NAALADL2: variants seen among roughly 807,000 people sequenced by gnomAD.
NAALADL2 encodes N-acetylated alpha-linked acidic dipeptidase like 2.
A neutral mutation model predicts 87.2 loss-of-function variants in NAALADL2; 76 were observed. The ratio of observed to expected loss-of-function variants is 0.87; its 90% CI spans 0.72 to 1.05. The LOEUF is 1.05. Among genes scored for constraint, NAALADL2 ranks in the 50% least tolerant of loss-of-function variants. The probability of loss-of-function intolerance (pLI) is 0.00; values close to 1 mark genes in which losing one functional copy is unlikely to be tolerated. For missense variants in NAALADL2, 1,089 were observed against 945.8 expected (o/e 1.15, Z -1.99); for synonymous variants, 354 against 331.0 (o/e 1.07, Z -0.75).
intron 2 of NAALADL2, among the ~76,000 whole-genome samples, chr3:175,156,193 C>G (rs778498153): frequency 6.6e-5 from 10 of 152,080 alleles, no homozygotes; most frequent in Non-Finnish European, 1.3e-4. Flanking sequence ...AATACTTATT[C>G]TTCCATATTT....
At chr3:175,050,102 G>A (rs570259987) in intron 1 of NAALADL2, among the ~76,000 whole-genome samples, 1 of 152,112 alleles carries the variant, frequency 6.6e-6, no homozygotes, top group East Asian at 1.9e-4. Flanking sequence ...AAGCATGGTT[G>A]TGTGTGTGTG....
At chr3:175,033,803 T>C (rs1460764143) in intron 1 of NAALADL2, among the ~76,000 whole-genome samples, 2 of 152,146 alleles carry the variant, frequency 1.3e-5, no homozygotes, top group African/African-American at 4.8e-5. Context: ...GTTCATGATG[T>C]GAAGCGCCAT....
chr3:175,738,158 A>G (rs577811438), intron 12 of NAALADL2, among the ~76,000 whole-genome samples: 1 of 152,338 alleles, frequency 6.6e-6, no homozygotes, highest in South Asian at 2.1e-4. Flanking sequence ...AAAAAAGTCA[A>G]TATTTTAACT....
chr3:175,055,944 C>A lies in NAALADL2; in HGVS notation c.44-40846C>A, dbSNP rs571790241. ...TTTCCTGAATTTAAAAGAAAAAGGA[C>A]CAAATGTAGCTATAATATTTCCCTG... is the stretch of plus-strand genomic sequence containing the variant. On this transcript the variant is annotated intron_variant, in intron 1 of 13. Transcript: ENST00000454872. 3.9e-5 allele frequency among the ~76,000 whole-genome samples: 6 copies of A among 152,198 alleles called. No individual in the cohort carries two copies. The East Asian group carries it at 1.2e-3, about 29-fold the overall frequency.
rs574496418 is a variant in NAALADL2 at position 175,807,334 on chromosome 3, T to C, written c.*4131T>C. 3.3e-5 allele frequency: 5 copies of C among 152,018 alleles called. No homozygotes were observed. The highest frequency in any genetic ancestry group is 1.2e-4 in the African/African-American group (5 of 41,546). 9.4% of individuals were successfully genotyped at this position (152,018 alleles called of 1,614,324 possible). ...AAGACAGATGTTAACAAAAATAAAATAAATGATTATTTGTGACCATGTTAC... is the reference window on the plus strand; with the variant it reads ...AAGACAGATGTTAACAAAAATAAAACAAATGATTATTTGTGACCATGTTAC... On this transcript the variant is annotated 3_prime_UTR_variant, in exon 14 of 14. Transcript: ENST00000454872.
At chr3:175,077,876 G>A (rs992601342) in intron 1 of NAALADL2, among the ~76,000 whole-genome samples, 1 of 152,010 alleles carries the variant, frequency 6.6e-6, no homozygotes, top group Admixed American at 6.6e-5. Context: ...AAAGCAAAAC[G>A]TTTCCCTACC....
chr3:174,744,693 T>C (rs1734083427), intron 3 of NAALADL2, among the ~76,000 whole-genome samples: 1 of 152,108 alleles, frequency 6.6e-6, no homozygotes, highest in Non-Finnish European at 1.5e-5. Flanking sequence ...GATCACATAA[T>C]TGGAAGTAAA....
At chr3:174,667,080 C>T (rs964999126) in intron 2 of NAALADL2, among the ~76,000 whole-genome samples, 2 of 152,088 alleles carry the variant, frequency 1.3e-5, no homozygotes, top group African/African-American at 4.8e-5. Context: ...TCCATTCATC[C>T]ATTGATGGAC....
rs1298458496 is a variant in NAALADL2 at position 175,413,544 on chromosome 3, T to G, written c.1091-33685T>G. Among the ~76,000 whole-genome samples, 3 of 130,204 alleles carry G rather than the reference T, an allele frequency of 2.3e-5. No homozygotes were observed. In the Admixed American group the frequency reaches 2.7e-4, roughly 12 times the overall value. The allele number at this position is 130,204 out of a possible 152,430, so 85.4% of individuals were successfully genotyped here. ...GAGATTGCGCCAAAGCACTCCAGCC[T>G]GGGCGACAGAGCGAGACTCCATCAA... On this transcript the variant is annotated intron_variant, in intron 5 of 13. Transcript: ENST00000454872.
chr3:174,961,099 A>G (rs1035421295), intron 1 of NAALADL2, among the ~76,000 whole-genome samples: 4 of 147,996 alleles, frequency 2.7e-5, no homozygotes, highest in African/African-American at 9.8e-5. Context: ...TATTAATATA[A>G]TATATAACAT....
intron 9 of NAALADL2, among the ~76,000 whole-genome samples, chr3:175,564,327 T>TA (rs1716761592): frequency 1.3e-5 from 2 of 152,178 alleles, no homozygotes; most frequent in South Asian, 2.1e-4. Context: ...GTTTACTTTT[T>TA]AAAAAATACG....
In NAALADL2 at chr3:174,495,263, CAAA is replaced by C. The variant is rs199803612; in HGVS notation, c.-184+54247_-184+54249del. Among the ~76,000 whole-genome samples, 652 of 120,376 alleles carry C rather than the reference CAAA, an allele frequency of 5.4e-3. 3 individuals carry two copies. Among genetic ancestry groups the C allele is most frequent in the East Asian group, 0.013 (55 of 4,324 alleles). The allele number at this position is 120,376 out of a possible 152,430, so 79.0% of individuals were successfully genotyped here. ...TTAAGGAAAGCTTATATTAACAAAC[CAAA>C]AAAAAAAAAAAAAAACAGCCTTACT... On this transcript the variant is annotated intron_variant, in intron 1 of 3. Coordinates refer to the NAALADL2 transcript ENST00000434257.
intron 10 of NAALADL2, among the ~76,000 whole-genome samples, chr3:175,608,846 A>T (rs1391768794): frequency 6.6e-6 from 1 of 152,172 alleles, no homozygotes; most frequent in Non-Finnish European, 1.5e-5. Context: ...TTTTGCCACT[A>T]TGCATAGCTT....
chr3:174,717,051 T>A (rs545071525), intron 2 of NAALADL2, among the ~76,000 whole-genome samples: 10 of 152,330 alleles, frequency 6.6e-5, no homozygotes, highest in Non-Finnish European at 1.2e-4. Flanking sequence ...TACATTTGTT[T>A]TTGTAATATG....
At chr3:174,860,040 A>T (rs1240071739) in intron 1 of NAALADL2, among the ~76,000 whole-genome samples, 1 of 152,092 alleles carries the variant, frequency 6.6e-6, no homozygotes, top group East Asian at 1.9e-4. Context: ...CATTGGCTTG[A>T]CTAGGCATCT....
At chr3:175,274,418 A>G (rs1383631914) in intron 4 of NAALADL2, among the ~76,000 whole-genome samples, 1 of 152,246 alleles carries the variant, frequency 6.6e-6, no homozygotes, top group Non-Finnish European at 1.5e-5. Context: ...TACATATTAC[A>G]TAGACAGTCT....
At chr3:175,322,648 A>G (rs1403172989) in intron 4 of NAALADL2, among the ~76,000 whole-genome samples, 1 of 139,074 alleles carries the variant, frequency 7.2e-6, no homozygotes, top group Admixed American at 7.1e-5. Context: ...ACAAGAAAAA[A>G]CAAACAACCC....
Position 175,652,419 on chromosome 3 carries a change from T to A in NAALADL2, c.1896+25033T>A, listed in dbSNP as rs144360086. The stretch of plus-strand genomic sequence containing the variant: ...CAAATTCCATATGGGAGGCTAGAAC[T>A]GTTAAAATGTGCCATAGTAATAATA... On this transcript the variant is annotated intron_variant, in intron 11 of 13. Transcript: ENST00000454872. Among the ~76,000 whole-genome samples the A allele has an allele frequency of 5.8e-3, 890 of 152,166 alleles. 8 individuals carry two copies. Among genetic ancestry groups the A allele is most frequent in the African/African-American group, 0.02 (851 of 41,548 alleles).
At chr3:175,080,618 G>C (rs1435995416) in intron 1 of NAALADL2, among the ~76,000 whole-genome samples, 1 of 152,086 alleles carries the variant, frequency 6.6e-6, no homozygotes, top group Non-Finnish European at 1.5e-5. Flanking sequence ...ATTGGCTATA[G>C]GAAATGAGAA....
Sources: allele counts gnomAD v4.1 joint callset (sites outside exome capture counted in the v4.1 genomes callset), GRCh38; gene constraint gnomAD v4.1.1; transcripts MANE v1.5; gene names NCBI Gene and HGNC (gene_info 2026-07-23, HGNC 2026-07-21).